Variants in PLCG2 observed in about 807,000 individuals in gnomAD.
The protein encoded by PLCG2 is 1-phosphatidylinositol 4,5-bisphosphate phosphodiesterase gamma-2.
PLCG2 carries 69 observed loss-of-function variants against 175.6 expected under a neutral mutation model. The ratio of observed to expected loss-of-function variants is 0.39; its 90% CI spans 0.32 to 0.48. The LOEUF is 0.48. Ranked by LOEUF, PLCG2 falls within the 20% of genes least tolerant of loss-of-function variation. The pLI, the probability that PLCG2 is intolerant of heterozygous loss-of-function variation, is 0.91. For missense variants in PLCG2, 1,798 were observed against 1,650.9 expected, an observed-to-expected ratio of 1.09 and a Z score of -1.54; for synonymous variants, 827 against 624.0, an observed-to-expected ratio of 1.33 and a Z score of -4.85.
At chr16:81,925,456 G>A (rs1910223423) in intron 22 of PLCG2, among the ~76,000 whole-genome samples, 1 of 152,156 alleles carries the variant, frequency 6.6e-6, no homozygotes, top group Non-Finnish European at 1.5e-5. Context: ...ATGGTGCGGG[G>A]GGGCGTGAAA....
rs950731294 is a variant in PLCG2 at position 81,809,990 on chromosome 16, CCTT to C, written c.193+23809_193+23811del. Among the ~76,000 whole-genome samples, 44 of 152,010 alleles carry C rather than the reference CCTT, an allele frequency of 2.9e-4. No homozygotes were observed. In the Middle Eastern group the frequency reaches 0.014, roughly 47 times the overall value. ...TCTTTGTCTGCCACCATGGTTCTCT[CCTT>C]TTTTTTTTCTTTTTTTTGAGATGGA... On this transcript the variant is annotated intron_variant, in intron 2 of 32. Transcript: ENST00000564138.
chr16:81,811,818 C>T (rs545333894), intron 2 of PLCG2, among the ~76,000 whole-genome samples: 16 of 152,092 alleles, frequency 1.1e-4, no homozygotes, highest in Middle Eastern at 3.4e-3. Flanking sequence ...TGAATAGTGC[C>T]GCAATAAACA....
At chr16:81,798,785 C>T (rs900659153) in intron 2 of PLCG2, 1 of 152,298 alleles carries the variant, frequency 6.6e-6, no homozygotes, top group African/African-American at 2.4e-5. Context: ...GAAGAGGAGA[C>T]CCCGCAGAGC....
At chr16:81,862,288 C>T (rs770461235) in intron 5 of PLCG2, among the ~76,000 whole-genome samples, 10 of 152,246 alleles carry the variant, frequency 6.6e-5, no homozygotes, top group Non-Finnish European at 1.0e-4. Flanking sequence ...GGCCCAAGCA[C>T]GCTGTTTCAT....
intron 9 of PLCG2, among the ~76,000 whole-genome samples, chr16:81,887,059 T>C (rs749694518): frequency 6.6e-6 from 1 of 151,928 alleles, no homozygotes; most frequent in Non-Finnish European, 1.5e-5. Context: ...AAAAACTTTG[T>C]AGGGGGAAGG....
intron 2 of PLCG2, among the ~76,000 whole-genome samples, chr16:81,793,054 G>A (rs1461026676): frequency 6.6e-6 from 1 of 152,128 alleles, no homozygotes; most frequent in African/African-American, 2.4e-5. Flanking sequence ...AATACAATAA[G>A]ACCAGAAAGA....
chr16:81,886,032 T>C (rs61322346), intron 9 of PLCG2, among the ~76,000 whole-genome samples: 28,532 of 152,204 alleles, frequency 0.19, 2,785 homozygotes, highest in Non-Finnish European at 0.21. Context: ...GAGAAATTCA[T>C]GCACTTTTTT....
chr16:81,858,463 T>G, intron 4 of PLCG2, 107 bp downstream of exon 4: 1 of 808,836 alleles, frequency 1.2e-6, no homozygotes, highest in Non-Finnish European at 2.2e-6. Flanking sequence ...GGACATTGGT[T>G]TTTTGAGGCT....
intron 9 of PLCG2, among the ~76,000 whole-genome samples, chr16:81,885,612 T>C (rs980005808): frequency 6.9e-6 from 1 of 145,740 alleles, no homozygotes; most frequent in Non-Finnish European, 1.5e-5. Flanking sequence ...TATGTTTCTC[T>C]CACAGATAGA....
intron 18 of PLCG2, among the ~76,000 whole-genome samples, chr16:81,911,076 A>T (rs561124290): frequency 1.3e-5 from 2 of 152,154 alleles, no homozygotes; most frequent in African/African-American, 4.8e-5. Flanking sequence ...AACAATGATT[A>T]TAAGAGTCTC....
intron 2 of PLCG2, among the ~76,000 whole-genome samples, chr16:81,843,929 GTTTCCTTTTCCTT>G (rs1325373045): frequency 1.3e-5 from 2 of 151,480 alleles, no homozygotes; most frequent in Non-Finnish European, 2.9e-5. Context: ...TTCTGTTTCT[GTTTCCTTTTCCTT>G]TTTCCTTTTC....
In PLCG2 at chr16:81,818,883, A is replaced by ATTTTTTTTTTTTTTTTT. The variant is rs57346304; in HGVS notation, c.193+32709_193+32725dup. 9.4e-5 allele frequency among the ~76,000 whole-genome samples: 10 copies of ATTTTTTTTTTTTTTTTT among 106,644 alleles called. 1 individual carries two copies. Among genetic ancestry groups the ATTTTTTTTTTTTTTTTT allele is most frequent in the African/African-American group, 3.2e-4 (8 of 24,934 alleles). The allele number at this position is 106,644 out of a possible 152,430, so 70.0% of individuals were successfully genotyped here. A position where few individuals can be genotyped will look rare whatever the true frequency, so the allele number is the denominator to read the frequency against. The stretch of plus-strand genomic sequence containing the variant: ...TCCATAAGCTAGTGTGGGCTCATGG[A>ATTTTTTTTTTTTTTTTT]TTTTTTTTTTTTTTTTTTTTTTTTA... On this transcript the variant is annotated intron_variant, in intron 2 of 32. Transcript: ENST00000564138.
At chr16:81,937,657 T>C (rs961766189) in intron 27 of PLCG2, 101 bp from the exon 28 acceptor site, 2 of 1,007,812 alleles carry the variant, frequency 2.0e-6, no homozygotes, top group Non-Finnish European at 2.9e-6. Flanking sequence ...TCACATTAAT[T>C]TGGGGAAAAG....
intron 5 of PLCG2, 148 bp downstream of exon 5, chr16:81,859,311 G>A: frequency 3.4e-6 from 2 of 585,544 alleles, no homozygotes; most frequent in South Asian, 4.2e-5. Flanking sequence ...TTGGGTCCTG[G>A]GGTTGAGGAT....
chr16:81,791,959 A>T (rs1911252079), intron 2 of PLCG2, among the ~76,000 whole-genome samples: 2 of 152,162 alleles, frequency 1.3e-5, no homozygotes, highest in South Asian at 4.1e-4. Context: ...CAGCCTCATA[A>T]ATCCGAGGAC....
chr16:81,817,481 C>G (rs1036692512), intron 2 of PLCG2, among the ~76,000 whole-genome samples: 4 of 152,190 alleles, frequency 2.6e-5, no homozygotes, highest in African/African-American at 9.7e-5. Flanking sequence ...GCGCAAGGCA[C>G]TAGGGTGGTT....
Position 81,751,589 on chromosome 16 carries a change from C to T in PLCG2, c.-144-4281C>T, listed in dbSNP as rs141560813. Among the ~76,000 whole-genome samples, 478 of 152,182 alleles carry T rather than the reference C, an allele frequency of 3.1e-3. 3 individuals are homozygous for T. Among genetic ancestry groups the T allele is most frequent in the African/African-American group, 0.011 (459 of 41,498 alleles). ...ATGTCATTAATAATAGAGTATGGTA[C>T]ATTTCAAAATTGCTAAGAGAGTAAA... On this transcript the variant is annotated intron_variant, in intron 1 of 5. Coordinates refer to the PLCG2 transcript ENST00000565054.
At chr16:81,760,876 G>A (rs957175568) in intron 2 of PLCG2, among the ~76,000 whole-genome samples, 6 of 152,096 alleles carry the variant, frequency 3.9e-5, no homozygotes, top group Admixed American at 1.3e-4. Flanking sequence ...GCCAGCCTGT[G>A]CAATATAGTG....
intron 2 of PLCG2, among the ~76,000 whole-genome samples, chr16:81,802,371 C>T (rs1597326646): frequency 6.6e-6 from 1 of 151,562 alleles, no homozygotes; most frequent in East Asian, 2.0e-4. Flanking sequence ...CTCGGCCTCC[C>T]AAAGTGCTGG....
Sources: allele counts gnomAD v4.1 joint callset (sites outside exome capture counted in the v4.1 genomes callset), GRCh38; gene constraint gnomAD v4.1.1; transcripts MANE v1.5; gene names NCBI Gene and HGNC (gene_info 2026-07-23, HGNC 2026-07-21).